The following SLC35F3 variants were observed in gnomAD, a reference collection of about 807,000 sequenced individuals.
SLC35F3 encodes the protein solute carrier family 35 member F3.
A neutral mutation model predicts 49.9 loss-of-function variants in SLC35F3; 25 were observed. That is an observed-to-expected ratio of 0.50 (90% CI 0.37 to 0.70). SLC35F3 has a LOEUF of 0.70. Among genes scored for constraint, SLC35F3 ranks in the 30% least tolerant of loss-of-function variants. The pLI is 0.00. For missense variants in SLC35F3, 525 were observed against 639.8 expected (o/e 0.82, Z 1.94); for synonymous variants, 275 against 265.4 (o/e 1.04, Z -0.35).
Position 234,323,442 on chromosome 1 carries a change from G to GA in SLC35F3, c.*203dup. The GA allele has an allele frequency of 5.2e-6, 3 of 581,434 alleles. No individual in the cohort carries two copies. Among genetic ancestry groups the GA allele is most frequent in the South Asian group, 4.4e-5 (2 of 45,494 alleles). 36.0% of individuals were successfully genotyped at this position (581,434 alleles called of 1,614,324 possible). A position where few individuals can be genotyped will look rare whatever the true frequency, so the allele number is the denominator to read the frequency against. ...AAGGGTACCAATTCAATACAAAAGA[G>GA]AAAAGAAGAACCTCTCAGTGCTTTT... On this transcript the variant is annotated 3_prime_UTR_variant, in exon 8 of 8. Coordinates refer to ENST00000366618, the MANE Select transcript of SLC35F3 (RefSeq NM_173508.4). This position sits in a 1 kb window ranked among gnomAD's most constrained non-coding sequence, Gnocchi z 4.5.
intron 2 of SLC35F3, among the ~76,000 whole-genome samples, chr1:233,933,854 A>T (rs1291695025): frequency 6.6e-6 from 1 of 152,166 alleles, no homozygotes; most frequent in Non-Finnish European, 1.5e-5. Flanking sequence ...CTCCATCTCA[A>T]AAAAGGAAAG....
intron 2 of SLC35F3, among the ~76,000 whole-genome samples, chr1:234,143,728 A>G (rs1484033890): frequency 2.0e-5 from 3 of 152,194 alleles, no homozygotes; most frequent in African/African-American, 4.8e-5. Flanking sequence ...AAGGTCATGT[A>G]TTTATGACAC....
intron 2 of SLC35F3, among the ~76,000 whole-genome samples, chr1:234,092,876 AAAATT>A (rs1333242253): frequency 1.3e-5 from 2 of 152,216 alleles, no homozygotes; most frequent in Non-Finnish European, 2.9e-5. Flanking sequence ...TCTAAAAAAG[AAAATT>A]AAATTAAAAG....
intron 2 of SLC35F3, among the ~76,000 whole-genome samples, chr1:234,017,986 GA>G (rs954302570): frequency 3.4e-5 from 5 of 145,248 alleles, no homozygotes; most frequent in African/African-American, 1.3e-4. Flanking sequence ...CAAAGTCACT[GA>G]AAAAAAAAAC....
intron 2 of SLC35F3, among the ~76,000 whole-genome samples, chr1:233,946,847 T>C (rs1662520582): frequency 2.0e-5 from 3 of 152,360 alleles, no homozygotes; most frequent in Non-Finnish European, 4.4e-5. Context: ...TAGTCATTTC[T>C]GCCACTGCCT....
intron 3 of SLC35F3, among the ~76,000 whole-genome samples, chr1:234,296,328 C>G (rs510481): frequency 0.68 from 103,474 of 151,756 alleles, 35,763 homozygotes; most frequent in Admixed American, 0.75. Context: ...AAAAAAAAAA[C>G]CTAGTGTGTA....
chr1:233,964,725 G>A lies in SLC35F3; in HGVS notation c.283+58967G>A, dbSNP rs182287100. Among the ~76,000 whole-genome samples, 360 of 152,324 alleles carry A rather than the reference G, an allele frequency of 2.4e-3. 1 individual carries two copies. Among genetic ancestry groups the A allele is most frequent in the Middle Eastern group, 0.02 (6 of 294 alleles). ...ACAGCAGAGAGATGTGCAACAGAGA[G>A]AAATGCAATGCAATATGAGTTCTGA... On this transcript the variant is annotated intron_variant, in intron 2 of 7. Coordinates refer to ENST00000366618, the MANE Select transcript of SLC35F3 (RefSeq NM_173508.4).
At chr1:233,999,248 C>T (rs1283500867) in intron 2 of SLC35F3, among the ~76,000 whole-genome samples, 1 of 152,136 alleles carries the variant, frequency 6.6e-6, no homozygotes, top group Non-Finnish European at 1.5e-5. Flanking sequence ...AGAATATAAA[C>T]TCCAGGATAT....
At chr1:233,989,373 A>G (rs773651416) in intron 2 of SLC35F3, among the ~76,000 whole-genome samples, 14 of 152,328 alleles carry the variant, frequency 9.2e-5, no homozygotes, top group East Asian at 1.9e-4. Flanking sequence ...ATCCTCAGAA[A>G]TGTTGACCTT....
chr1:234,048,327 G>A (rs778677459), intron 2 of SLC35F3, among the ~76,000 whole-genome samples: 1 of 152,164 alleles, frequency 6.6e-6, no homozygotes, highest in Admixed American at 6.5e-5. Flanking sequence ...CAAAGATGTG[G>A]TTGGACAATC....
intron 3 of SLC35F3, among the ~76,000 whole-genome samples, chr1:234,278,217 G>T (rs1252511956): frequency 6.6e-6 from 1 of 152,014 alleles, no homozygotes; most frequent in Non-Finnish European, 1.5e-5. Flanking sequence ...AGGGCCGGGT[G>T]CGGTGGCTCA....
chr1:234,082,797 A>T (rs1031171358), intron 2 of SLC35F3, among the ~76,000 whole-genome samples: 15 of 152,168 alleles, frequency 9.9e-5, no homozygotes, highest in African/African-American at 3.4e-4. Flanking sequence ...CTCATGAGAC[A>T]TATTCACCAC....
chr1:234,030,898 T>C (rs1664052741), intron 2 of SLC35F3, among the ~76,000 whole-genome samples: 1 of 152,164 alleles, frequency 6.6e-6, no homozygotes, highest in Non-Finnish European at 1.5e-5. Context: ...TGTGCCACTT[T>C]TAGGTCTCAG....
At chr1:234,092,587 G>A (rs1665060339) in intron 2 of SLC35F3, among the ~76,000 whole-genome samples, 1 of 152,224 alleles carries the variant, frequency 6.6e-6, no homozygotes, top group African/African-American at 2.4e-5. Context: ...GTAGGAGGCT[G>A]GCTAGCATGG....
chr1:234,321,041 C>T (rs1293661350), intron 7 of SLC35F3, among the ~76,000 whole-genome samples: 2 of 137,508 alleles, frequency 1.5e-5, no homozygotes, highest in East Asian at 2.3e-4. Flanking sequence ...AAGATTGCCC[C>T]CCCCCCACCC....
At chr1:234,255,924 A>G (rs1667814919) in intron 3 of SLC35F3, among the ~76,000 whole-genome samples, 1 of 152,208 alleles carries the variant, frequency 6.6e-6, no homozygotes, top group African/African-American at 2.4e-5. Context: ...TGTACAACAC[A>G]AAGAGTAAGC....
intron 2 of SLC35F3, among the ~76,000 whole-genome samples, chr1:234,026,488 A>G (rs1316933440): frequency 6.6e-6 from 1 of 152,250 alleles, no homozygotes; most frequent in Non-Finnish European, 1.5e-5. Flanking sequence ...TATACAGTTT[A>G]GTGCTCAGTG....
intron 2 of SLC35F3, among the ~76,000 whole-genome samples, chr1:233,910,748 T>C (rs548881385): frequency 1.3e-5 from 2 of 152,372 alleles, no homozygotes; most frequent in East Asian, 1.9e-4. Flanking sequence ...TAACATGAAG[T>C]GCAATTATCA....
At chr1:234,280,488 C>T (rs1668305451) in intron 3 of SLC35F3, among the ~76,000 whole-genome samples, 1 of 152,142 alleles carries the variant, frequency 6.6e-6, no homozygotes, top group African/African-American at 2.4e-5. Context: ...AAGAATAACC[C>T]AAGTGACCAG....
Sources: gnomAD v4.1 joint callset for allele counts (sites outside exome capture counted in the v4.1 genomes callset) on GRCh38, gnomAD v4.1.1 for gene constraint, Gnocchi (gnomAD v3.1) non-coding constraint, MANE v1.5 for transcripts, NCBI Gene and HGNC (gene_info 2026-07-23, HGNC 2026-07-21) for gene names.